Variants in ADCY1 observed in about 807,000 individuals in gnomAD.
The protein encoded by ADCY1 is adenylate cyclase type 1.
Under a neutral mutation model 105.4 loss-of-function variants are expected in ADCY1, and 28 were observed. That is an observed-to-expected ratio of 0.27 (90% CI 0.20 to 0.36). The LOEUF is 0.36. Ranked by LOEUF, ADCY1 falls within the 10% of genes least tolerant of loss-of-function variation. The pLI is 1.00. For missense variants in ADCY1, 977 were observed against 1,434.2 expected (o/e 0.68, Z 5.15); for synonymous variants, 655 against 623.8 (o/e 1.05, Z -0.75).
At chr7:45,675,190 T>A (rs1345151822) in intron 8 of ADCY1, among the ~76,000 whole-genome samples, 1 of 152,208 alleles carries the variant, frequency 6.6e-6, no homozygotes, top group Admixed American at 6.5e-5. Flanking sequence ...ATATAGTATA[T>A]CTTGTTGCAT....
intron 14 of ADCY1, among the ~76,000 whole-genome samples, chr7:45,691,208 A>T (rs980383208): frequency 6.6e-6 from 1 of 152,200 alleles, no homozygotes; most frequent in African/African-American, 2.4e-5. Flanking sequence ...TGAGCATACC[A>T]GTAATTTTAG....
At chr7:45,609,893 GAAGT>G (rs1342932885) in intron 2 of ADCY1, among the ~76,000 whole-genome samples, 3 of 152,210 alleles carry the variant, frequency 2.0e-5, no homozygotes, top group Admixed American at 6.5e-5. Context: ...AGCTAAGGGA[GAAGT>G]AAGAAGACAA....
intron 19 of ADCY1, among the ~76,000 whole-genome samples, chr7:45,712,033 A>G (rs1181505521): frequency 7.9e-6 from 1 of 126,256 alleles, no homozygotes; most frequent in African/African-American, 3.1e-5. Context: ...ATTATACTAA[A>G]TATATATTTT....
At chr7:45,600,454 C>G (rs954592049) in intron 2 of ADCY1, among the ~76,000 whole-genome samples, 1 of 152,236 alleles carries the variant, frequency 6.6e-6, no homozygotes, top group Non-Finnish European at 1.5e-5. Flanking sequence ...CTGAGGAAGA[C>G]AGAGCTGAGA....
chr7:45,722,765 A>G lies in ADCY1; in HGVS notation c.*8770A>G, dbSNP rs1276559768. ...GGCAAGGGTGTCATTTTCTCGCACA[A>G]TACAACTCACTGAGGATGCTTCTGT... is the stretch of plus-strand genomic sequence containing the variant. On this transcript the variant is annotated 3_prime_UTR_variant, in exon 20 of 20. Transcript: ENST00000297323. The G allele has an allele frequency of 1.3e-5, 2 of 152,594 alleles. No individual in the cohort carries two copies. Among genetic ancestry groups the G allele is most frequent in the East Asian group, 1.9e-4 (1 of 5,192 alleles). The allele number at this position is 152,594 out of a possible 1,614,324, so 9.5% of individuals were successfully genotyped here. A position where few individuals can be genotyped will look rare whatever the true frequency, so the allele number is the denominator to read the frequency against.
intron 8 of ADCY1, among the ~76,000 whole-genome samples, chr7:45,669,145 T>C (rs1001719711): frequency 2.0e-5 from 3 of 152,236 alleles, no homozygotes; most frequent in African/African-American, 7.2e-5. Flanking sequence ...TCTGCTCTGA[T>C]CTTAGTTATT....
chr7:45,656,519 C>T (rs555997268), intron 5 of ADCY1, among the ~76,000 whole-genome samples: 4 of 152,152 alleles, frequency 2.6e-5, no homozygotes, highest in South Asian at 4.1e-4. Context: ...GGTTTTTGGG[C>T]ACAGGCCCTT....
intron 5 of ADCY1, 149 bp from the exon 6 acceptor site, chr7:45,657,578 T>A (rs775069353): frequency 8.3e-6 from 7 of 844,224 alleles, no homozygotes; most frequent in Non-Finnish European, 1.3e-5. Flanking sequence ...GTCCACTGAC[T>A]ATGCCAGGAG....
chr7:45,664,381 G>C, intron 8 of ADCY1: 1 of 1,536,036 alleles, frequency 6.5e-7, no homozygotes, highest in Non-Finnish European at 8.7e-7. Flanking sequence ...CGTAGCTTCA[G>C]GTCCTGCCCA....
At chr7:45,656,938 T>C (rs1794958049) in intron 5 of ADCY1, among the ~76,000 whole-genome samples, 1 of 152,162 alleles carries the variant, frequency 6.6e-6, no homozygotes, top group Non-Finnish European at 1.5e-5. Context: ...CTTGTCAAAG[T>C]GAATTTAGCT....
chr7:45,668,627 G>T (rs1200012064), intron 8 of ADCY1, among the ~76,000 whole-genome samples: 1 of 152,156 alleles, frequency 6.6e-6, no homozygotes, highest in African/African-American at 2.4e-5. Flanking sequence ...TTTGGTATCA[G>T]GATGATGCTG....
intron 3 of ADCY1, among the ~76,000 whole-genome samples, chr7:45,622,124 T>G (rs1017508120): frequency 6.6e-6 from 1 of 152,188 alleles, no homozygotes; most frequent in African/African-American, 2.4e-5. Context: ...GGCGGCCCCT[T>G]TGCCCAGGAA....
At chr7:45,582,828 T>G (rs1584246033) in intron 1 of ADCY1, among the ~76,000 whole-genome samples, 1 of 152,104 alleles carries the variant, frequency 6.6e-6, no homozygotes, top group East Asian at 1.9e-4. Flanking sequence ...GAAGGATGTA[T>G]GAGGTGTGGG....
rs1784278988 is a variant in ADCY1, at chr7:45,667,181, TTTTAGACATGA to T, written c.1605+4968_1605+4978del. Among the ~76,000 whole-genome samples the T allele has an allele frequency of 2.0e-5, 3 of 152,324 alleles. No homozygotes were observed. In the South Asian group the frequency reaches 6.2e-4, roughly 32 times the overall value. ...GCTTGTGTTGCCATTGCTTTTGGTG[TTTTAGACATGA>T]AGTCCTTGCCCATGCCTATGTCCTG... On this transcript the variant is annotated intron_variant, in intron 8 of 19. Transcript: ENST00000297323.
Position 45,713,897 on chromosome 7 carries a change from C to T in ADCY1, c.3262C>T (p.Pro1088Ser), listed in dbSNP as rs548312101. ...GRAGLQGRRP[P>S]VCPMPGVSVR... ...AGCTGGCCTTCAGGGCAGACGTCCC[C>T]CCGTGTGCCCCATGCCTGGCGTCTC... The change falls in exon 20 of 20, where the codon CCC becomes TCC. Residue 1088 changes from proline to serine, a missense_variant. By Grantham distance (74) the Pro-to-Ser change is moderately conservative (BLOSUM62 -1). Around this residue, in one of 7 missense-constraint regions of ADCY1, gnomAD observed 78 missense variants for 60.0 expected, o/e 1.30. Coordinates refer to ENST00000297323, the MANE Select transcript of ADCY1 (RefSeq NM_021116.4). 24 of 780,676 alleles carry T rather than the reference C, an allele frequency of 3.1e-5. No individual in the cohort carries two copies. In the East Asian group the frequency reaches 5.6e-4, roughly 18 times the overall value. 48.4% of individuals were successfully genotyped at this position (780,676 alleles called of 1,614,324 possible). A position where few individuals can be genotyped will look rare whatever the true frequency, so the allele number is the denominator to read the frequency against.
chr7:45,658,672 A>G (rs1795007330), intron 6 of ADCY1, among the ~76,000 whole-genome samples: 1 of 152,214 alleles, frequency 6.6e-6, no homozygotes. Flanking sequence ...CGCTGTCTTC[A>G]TTGCTGATGG....
chr7:45,616,739 C>G (rs1012115881), intron 3 of ADCY1, among the ~76,000 whole-genome samples: 1 of 152,212 alleles, frequency 6.6e-6, no homozygotes, highest in Admixed American at 6.5e-5. Context: ...AAAGCCTTCC[C>G]TCTAAAATCA....
Position 45,710,655 on chromosome 7 carries a change from C to A in ADCY1, c.3057+3C>A. The A allele has an allele frequency of 6.2e-7, 1 of 1,611,068 alleles. No homozygotes were observed. Among genetic ancestry groups the A allele is most frequent in the South Asian group, 1.1e-5 (1 of 90,590 alleles). On this transcript the variant is annotated splice_donor_region_variant and intron_variant, in intron 19 of 19. Transcript: ENST00000297323. This position sits in a 1 kb window ranked among gnomAD's most constrained non-coding sequence, Gnocchi z 4.7. ...CAGGGGTCCAGGGCAGAATCCAGGTCAGTTCACCAAGAAACCCCTAAGGCA... is the reference window on the plus strand; with the variant it reads ...CAGGGGTCCAGGGCAGAATCCAGGTAAGTTCACCAAGAAACCCCTAAGGCA...
At chr7:45,675,785 G>T (rs1784446236) in intron 8 of ADCY1, among the ~76,000 whole-genome samples, 1 of 152,060 alleles carries the variant, frequency 6.6e-6, no homozygotes, top group African/African-American at 2.4e-5. Flanking sequence ...CTGCTTTCAA[G>T]AATTTTCCTT....
Sources: allele counts gnomAD v4.1 joint callset (sites outside exome capture counted in the v4.1 genomes callset), GRCh38; gene constraint gnomAD v4.1.1; regional missense constraint gnomAD v4.1.1; non-coding constraint Gnocchi (gnomAD v3.1); transcripts MANE v1.5; gene names NCBI Gene and HGNC (gene_info 2026-07-23, HGNC 2026-07-21).